The following GABRA2 variants were observed in gnomAD, a reference collection of about 807,000 sequenced individuals.
GABRA2 encodes gamma-aminobutyric acid type A receptor subunit alpha2, also known as gamma-aminobutyric acid receptor subunit alpha-2.
Under a neutral mutation model 48.7 loss-of-function variants are expected in GABRA2, and 16 were observed. The observed-to-expected ratio is 0.33, with a 90% CI of 0.22 to 0.50. GABRA2 has a LOEUF of 0.50. Among genes scored for constraint, GABRA2 ranks in the 20% least tolerant of loss-of-function variants. GABRA2 has a pLI of 0.98. For missense variants in GABRA2, 275 were observed against 535.6 expected (o/e 0.51, Z 4.80); for synonymous variants, 185 against 184.5 (o/e 1.00, Z -0.02).
intron 4 of GABRA2, among the ~76,000 whole-genome samples, chr4:46,313,052 G>T (rs558952679): frequency 6.6e-5 from 10 of 151,408 alleles, no homozygotes; most frequent in South Asian, 4.2e-4. Flanking sequence ...CTTGAGCAGG[G>T]TCTGGTTGAA....
intron 3 of GABRA2, chr4:46,368,884 A>G: frequency 1.8e-6 from 1 of 550,520 alleles, no homozygotes; most frequent in Admixed American, 2.8e-5. Flanking sequence ...CCAGTTCTTC[A>G]ATCTCCATTA....
intron 3 of GABRA2, chr4:46,368,857 T>C (rs1578192801): frequency 4.1e-6 from 2 of 493,692 alleles, no homozygotes; most frequent in Middle Eastern, 2.9e-4. Flanking sequence ...ACCCCCTTCA[T>C]ACAAGAAATG....
At chr4:46,304,022 G>GT (rs1019789192) in intron 7 of GABRA2, among the ~76,000 whole-genome samples, 62 of 150,750 alleles carry the variant, frequency 4.1e-4, no homozygotes, top group East Asian at 1.4e-3. Flanking sequence ...AGGTTTTTTT[G>GT]TTTTTTTTTA....
At chr4:46,390,212 C>CCCCCCCCCCCCCCCCCCCCCCCCCCCCCA (rs1718086490), upstream of GABRA2, 1 of 128,604 alleles carries the variant, frequency 7.8e-6, no homozygotes, top group Admixed American at 7.6e-5. Context: ...TCCCCCCCCC[C>CCCCCCCCCCCCCCCCCCCCCCCCCCCCCA]CACACACACA....
Position 46,296,655 on chromosome 4 carries a change from G to GAAAAAA in GABRA2, c.856+6804_856+6805insTTTTTT, listed in dbSNP as rs113049147. Among the ~76,000 whole-genome samples the GAAAAAA allele has an allele frequency of 5.2e-4, 66 of 128,102 alleles. 10 individuals carry two copies. Among genetic ancestry groups the GAAAAAA allele is most frequent in the Admixed American group, 5.0e-4 (6 of 12,016 alleles). 84.0% of individuals were successfully genotyped at this position (128,102 alleles called of 152,430 possible). A position where few individuals can be genotyped will look rare whatever the true frequency, so the allele number is the denominator to read the frequency against. On this transcript the variant is annotated intron_variant, in intron 8 of 9. Transcript: ENST00000381620. ...GAAGGTTTGGATTACTCTATCAGGG[G>GAAAAAA]GAAAAAAAAAAAGAAAAAAAAAAAC... is the stretch of plus-strand genomic sequence containing the variant.
chr4:46,342,908 C>T (rs917805527), intron 3 of GABRA2, among the ~76,000 whole-genome samples: 1 of 152,098 alleles, frequency 6.6e-6, no homozygotes, highest in African/African-American at 2.4e-5. Context: ...AGTAATCCTC[C>T]CACCTTGGCC....
intron 8 of GABRA2, among the ~76,000 whole-genome samples, chr4:46,273,468 C>CAT (rs10686717): frequency 0.028 from 1,177 of 42,276 alleles, 18 homozygotes; most frequent in African/African-American, 0.12. Context: ...CCATTCATTG[C>CAT]ATATATATAT....
intron 4 of GABRA2, among the ~76,000 whole-genome samples, chr4:46,315,378 C>A (rs1728376907): frequency 6.6e-6 from 1 of 151,708 alleles, no homozygotes; most frequent in African/African-American, 2.4e-5. Flanking sequence ...AAAATTGTTT[C>A]CAGAATTATT....
chr4:46,362,660 C>G (rs1308231867), intron 3 of GABRA2, among the ~76,000 whole-genome samples: 1 of 151,966 alleles, frequency 6.6e-6, no homozygotes, highest in African/African-American at 2.4e-5. Flanking sequence ...GTAACAGAAC[C>G]ACAAAAAGCA....
At chr4:46,348,430 T>G (rs1055141293) in intron 3 of GABRA2, among the ~76,000 whole-genome samples, 2 of 152,014 alleles carry the variant, frequency 1.3e-5, no homozygotes, top group South Asian at 4.1e-4. Flanking sequence ...ACTGGGCATA[T>G]AACCAAAGGA....
intron 5 of GABRA2, among the ~76,000 whole-genome samples, chr4:46,312,217 G>A (rs1039762714): frequency 5.2e-5 from 7 of 134,328 alleles, no homozygotes; most frequent in Non-Finnish European, 9.4e-5. Flanking sequence ...TATTAAAAAT[G>A]TACTTAATAA....
At chr4:46,358,711 T>A (rs144895131) in intron 3 of GABRA2, among the ~76,000 whole-genome samples, 133 of 152,328 alleles carry the variant, frequency 8.7e-4, no homozygotes, top group Non-Finnish European at 1.7e-3. Context: ...AGCCACTGTC[T>A]CTGATGCAAT....
At chr4:46,375,088 G>A (rs1375862916) in intron 3 of GABRA2, among the ~76,000 whole-genome samples, 3 of 151,906 alleles carry the variant, frequency 2.0e-5, no homozygotes, top group Admixed American at 6.6e-5. Context: ...CCTTAAAAAG[G>A]TATAATAAAA....
At position 46,243,860 on chromosome 4, in the gene GABRA2, A is replaced by G. The variant is rs1713213292; in HGVS notation, c.*6448T>C. On this transcript the variant is annotated 3_prime_UTR_variant, in exon 10 of 10. Transcript: ENST00000381620. ...GCATGTGATCGTATTATTAATTTGTAGCAAAGGAAAAATACTTTATTCCTT... is the reference window on the plus strand; with the variant it reads ...GCATGTGATCGTATTATTAATTTGTGGCAAAGGAAAAATACTTTATTCCTT... 1 of 151,602 alleles carries G rather than the reference A, an allele frequency of 6.6e-6. No homozygotes were observed. Among genetic ancestry groups the G allele is most frequent in the African/African-American group, 2.4e-5 (1 of 41,412 alleles). 9.4% of individuals were successfully genotyped at this position (151,602 alleles called of 1,614,324 possible). A position where few individuals can be genotyped will look rare whatever the true frequency, so the allele number is the denominator to read the frequency against.
chr4:46,340,130 G>A (rs1322803539), intron 3 of GABRA2, among the ~76,000 whole-genome samples: 1 of 151,734 alleles, frequency 6.6e-6, no homozygotes. Context: ...CTGTTGTTAT[G>A]ACTCTTAAAG....
In GABRA2 at chr4:46,370,340, G is replaced by A. The variant is rs888420155; in HGVS notation, c.187+15734C>T. Reference sequence around the variant, plus strand: ...TGGAATACACTCATATACTTCAGAAGAGAGAAGATAAAGAGAAACCAAAGA... The same window carrying A: ...TGGAATACACTCATATACTTCAGAAAAGAGAAGATAAAGAGAAACCAAAGA... On this transcript the variant is annotated intron_variant, in intron 3 of 9. Transcript: ENST00000381620. Among the ~76,000 whole-genome samples the A allele has an allele frequency of 2.0e-5, 3 of 152,024 alleles. No homozygotes were observed. In the East Asian group the frequency reaches 5.8e-4, roughly 29 times the overall value.
intron 3 of GABRA2, among the ~76,000 whole-genome samples, chr4:46,371,211 T>C (rs74812360): frequency 0.062 from 9,418 of 152,272 alleles, 413 homozygotes; most frequent in South Asian, 0.17. Flanking sequence ...TCTAGGTTTG[T>C]AAAGTGGTCT....
chr4:46,267,489 T>C (rs1238705858), intron 8 of GABRA2, among the ~76,000 whole-genome samples: 2 of 152,168 alleles, frequency 1.3e-5, no homozygotes, highest in South Asian at 2.1e-4. Flanking sequence ...TTTTTTTTCC[T>C]GAAAATGGGT....
At chr4:46,386,272 T>G in intron 2 of GABRA2, 83 bp from the exon 3 acceptor site, 1 of 795,190 alleles carries the variant, frequency 1.3e-6, no homozygotes, top group Non-Finnish European at 2.0e-6. Flanking sequence ...TTAATTTAAA[T>G]TTTAACACTC....
Sources: allele counts gnomAD v4.1 joint callset (sites outside exome capture counted in the v4.1 genomes callset), GRCh38; gene constraint gnomAD v4.1.1; transcripts MANE v1.5; gene names NCBI Gene and HGNC (gene_info 2026-07-23, HGNC 2026-07-21).